Variants in DNM3 observed in about 807,000 individuals in gnomAD.
DNM3 encodes the protein dynamin-3.
DNM3 carries 47 observed loss-of-function variants against 101.6 expected under a neutral mutation model. The ratio of observed to expected loss-of-function variants is 0.46; its 90% CI spans 0.37 to 0.59. The LOEUF (loss-of-function observed/expected upper bound fraction) is 0.59, where lower values mean the gene tolerates loss of function less well. DNM3 is among the 20% of genes least tolerant of loss of function. The pLI is 0.00. For synonymous variants in DNM3, 385 were observed against 387.9 expected, an observed-to-expected ratio of 0.99 and a Z score of 0.09; for missense variants, 849 against 1,085.7, an observed-to-expected ratio of 0.78 and a Z score of 3.06.
chr1:172,061,277 G>A (rs1269001153), intron 10 of DNM3, among the ~76,000 whole-genome samples: 1 of 146,606 alleles, frequency 6.8e-6, no homozygotes, highest in African/African-American at 2.6e-5. Flanking sequence ...AACCATTGTG[G>A]AAGTCAGTGT....
chr1:171,893,764 T>A (rs1372512837), intron 1 of DNM3, among the ~76,000 whole-genome samples: 3 of 151,818 alleles, frequency 2.0e-5, no homozygotes, highest in Non-Finnish European at 2.9e-5. Context: ...CTTGACCACT[T>A]TTTTTGGACC....
chr1:172,071,533 G>T (rs935097204), intron 11 of DNM3, among the ~76,000 whole-genome samples: 3 of 152,144 alleles, frequency 2.0e-5, no homozygotes, highest in Admixed American at 2.0e-4. Context: ...ATATCCTCAG[G>T]CCTCCGCGCC....
At chr1:172,195,346 A>G (rs568186190) in intron 14 of DNM3, among the ~76,000 whole-genome samples, 2 of 152,062 alleles carry the variant, frequency 1.3e-5, no homozygotes, top group South Asian at 2.1e-4. Context: ...GAATTTCTAC[A>G]TACACAATTA....
At chr1:172,213,763 G>A (rs2060595993) in intron 14 of DNM3, among the ~76,000 whole-genome samples, 1 of 151,816 alleles carries the variant, frequency 6.6e-6, no homozygotes. Context: ...GGGAGGTAGA[G>A]GTTGTGCTGA....
At chr1:172,063,884 A>G (rs1338870642) in intron 10 of DNM3, among the ~76,000 whole-genome samples, 1 of 152,102 alleles carries the variant, frequency 6.6e-6, no homozygotes, top group Non-Finnish European at 1.5e-5. Context: ...TTTCACTATT[A>G]TAATATAAGC....
chr1:172,297,434 A>G (rs1173287385), intron 15 of DNM3, among the ~76,000 whole-genome samples: 1 of 152,002 alleles, frequency 6.6e-6, no homozygotes, highest in East Asian at 1.9e-4. Flanking sequence ...TGTATTATCT[A>G]CTGGTAAAGG....
downstream of DNM3, chr1:172,415,524 GTTTTTTTTTTT>G (rs386368747): frequency 0.017 from 1,662 of 99,158 alleles, 30 homozygotes; most frequent in Admixed American, 0.032. Flanking sequence ...TTTTTTGTGA[GTTTTTTTTTTT>G]TTTTTTTTTT....
At chr1:172,293,564 A>T (rs2148823719) in intron 15 of DNM3, among the ~76,000 whole-genome samples, 1 of 152,340 alleles carries the variant, frequency 6.6e-6, no homozygotes, top group East Asian at 1.9e-4. Flanking sequence ...GGTTATCTAT[A>T]CAGCTACAGC....
At chr1:172,049,229 G>A (rs2050033869) in intron 10 of DNM3, among the ~76,000 whole-genome samples, 1 of 152,174 alleles carries the variant, frequency 6.6e-6, no homozygotes, top group South Asian at 2.1e-4. Context: ...CAATGACCTA[G>A]ATTGAAATCC....
At chr1:172,115,330 C>T (rs578133338) in intron 13 of DNM3, among the ~76,000 whole-genome samples, 2 of 152,286 alleles carry the variant, frequency 1.3e-5, no homozygotes, top group East Asian at 3.9e-4. Flanking sequence ...ATTACCACCA[C>T]CCTGCTCAAA....
At chr1:171,858,444 T>A (rs552783829) in intron 1 of DNM3, among the ~76,000 whole-genome samples, 1 of 152,090 alleles carries the variant, frequency 6.6e-6, no homozygotes, top group African/African-American at 2.4e-5. Flanking sequence ...CCGATAACCA[T>A]CACACAACTC....
chr1:171,973,672 CTTT>C (rs754902487), intron 2 of DNM3, among the ~76,000 whole-genome samples: 13 of 137,040 alleles, frequency 9.5e-5, no homozygotes, highest in Non-Finnish European at 6.4e-5. Context: ...ACTCCAAAAT[CTTT>C]TTTTTTTTTT....
At chr1:172,326,683 A>G (rs1197685715) in intron 17 of DNM3, among the ~76,000 whole-genome samples, 5 of 152,118 alleles carry the variant, frequency 3.3e-5, no homozygotes. Context: ...CGTTTCAGTT[A>G]AATATTTTTG....
chr1:172,047,712 G>A (rs1310354828), intron 9 of DNM3, among the ~76,000 whole-genome samples: 3 of 152,078 alleles, frequency 2.0e-5, no homozygotes, highest in African/African-American at 4.8e-5. Flanking sequence ...AAGAAGGGGC[G>A]TCAAGTCAAG....
At chr1:171,946,273 A>G (rs1188624189) in intron 2 of DNM3, among the ~76,000 whole-genome samples, 1 of 152,194 alleles carries the variant, frequency 6.6e-6, no homozygotes, top group Non-Finnish European at 1.5e-5. Context: ...AGATATTTTT[A>G]TTCATGTATG....
rs2071091550 is a variant in DNM3, at chr1:172,409,539, T to C, written c.*1698T>C. ...ACTTTTAAGGTTACCAGTGATTGTATAAAAACATCACAATCCTAAATCCTC... is the reference window on the plus strand; with the variant it reads ...ACTTTTAAGGTTACCAGTGATTGTACAAAAACATCACAATCCTAAATCCTC... On this transcript the variant is annotated 3_prime_UTR_variant, in exon 21 of 21. Transcript: ENST00000627582. 3.0e-6 allele frequency: 3 copies of C among 984,116 alleles called. No homozygotes were observed. In the Admixed American group the frequency reaches 1.8e-4, roughly 61 times the overall value. The allele number at this position is 984,116 out of a possible 1,614,324, so 61.0% of individuals were successfully genotyped here.
At chr1:172,308,038 A>T (rs1213564532) in intron 15 of DNM3, among the ~76,000 whole-genome samples, 1 of 152,132 alleles carries the variant, frequency 6.6e-6, no homozygotes, top group Non-Finnish European at 1.5e-5. Context: ...AAAATCTTAA[A>T]TAAAAAAAAG....
intron 1 of DNM3, among the ~76,000 whole-genome samples, chr1:171,857,275 T>C (rs982477209): frequency 1.3e-5 from 2 of 152,302 alleles, no homozygotes; most frequent in East Asian, 3.9e-4. Flanking sequence ...GGGGAATTAA[T>C]GATTGAATGG....
intron 4 of DNM3, among the ~76,000 whole-genome samples, chr1:172,011,666 C>T (rs774281585): frequency 6.6e-6 from 1 of 152,012 alleles, no homozygotes; most frequent in Non-Finnish European, 1.5e-5. Flanking sequence ...GATTTCCAAA[C>T]CCTGGGTTTA....
Sources: gnomAD v4.1 joint callset for allele counts (sites outside exome capture counted in the v4.1 genomes callset) on GRCh38, gnomAD v4.1.1 for gene constraint, MANE v1.5 for transcripts, NCBI Gene and HGNC (gene_info 2026-07-23, HGNC 2026-07-21) for gene names.